AK8: variants seen among roughly 807,000 people sequenced by gnomAD.
AK8 encodes adenylate kinase 8.
AK8 carries 44 observed loss-of-function variants against 54.6 expected under a neutral mutation model. The ratio of observed to expected loss-of-function variants is 0.81; its 90% CI spans 0.63 to 1.04. AK8 has a LOEUF of 1.04. Ranked by LOEUF, AK8 falls within the 50% of genes least tolerant of loss-of-function variation. AK8 has a pLI of 0.00. For synonymous variants in AK8, 239 were observed against 245.6 expected (o/e 0.97, Z 0.25); for missense variants, 555 against 613.6 (o/e 0.90, Z 1.01).
chr9:132,847,841 C>T (rs1462219871), intron 5 of AK8, among the ~76,000 whole-genome samples: 2 of 151,810 alleles, frequency 1.3e-5, no homozygotes, highest in Non-Finnish European at 2.9e-5. Flanking sequence ...ATTAGCCGGG[C>T]ATGGTGGTGC....
chr9:132,769,412 G>A (rs577526313), intron 11 of AK8: 5 of 152,372 alleles, frequency 3.3e-5, no homozygotes, highest in African/African-American at 1.2e-4. Flanking sequence ...GCCTCTCCCA[G>A]AATGGAACCC....
intron 10 of AK8, among the ~76,000 whole-genome samples, chr9:132,809,222 A>G (rs573862248): frequency 3.3e-5 from 5 of 152,302 alleles, no homozygotes; most frequent in Admixed American, 1.3e-4. Context: ...GATGTCTCCA[A>G]TGACTCCCCA....
At chr9:132,807,198 G>A (rs893811365) in intron 10 of AK8, among the ~76,000 whole-genome samples, 18 of 152,096 alleles carry the variant, frequency 1.2e-4, no homozygotes, top group African/African-American at 4.1e-4. Context: ...TGGGGGGGGC[G>A]GGGCCACAGG....
At chr9:132,773,978 A>G (rs1307871311) in intron 11 of AK8, among the ~76,000 whole-genome samples, 4 of 151,924 alleles carry the variant, frequency 2.6e-5, no homozygotes, top group African/African-American at 9.7e-5. Context: ...TGTAGGGGGG[A>G]GACGGGAGTG....
chr9:132,878,310 CG>C (rs1300734075), upstream of AK8: 1 of 1,318,954 alleles, frequency 7.6e-7, no homozygotes, highest in African/African-American at 1.5e-5. The surrounding 1 kb of genome is among the most constrained non-coding windows in gnomAD (Gnocchi z 4.7). Flanking sequence ...GCCGCCGCGC[CG>C]ACTGCGTCAT....
intron 5 of AK8, among the ~76,000 whole-genome samples, chr9:132,845,476 GA>G (rs1362324399): frequency 2.6e-5 from 4 of 152,194 alleles, no homozygotes; most frequent in Non-Finnish European, 4.4e-5. Flanking sequence ...AGAATTCACA[GA>G]AGTTAAATGC....
intron 8 of AK8, among the ~76,000 whole-genome samples, chr9:132,823,977 T>C (rs1332644471): frequency 6.6e-6 from 1 of 152,212 alleles, no homozygotes; most frequent in Non-Finnish European, 1.5e-5. Context: ...TGGCCAGATG[T>C]AGCTGCATGG....
intron 11 of AK8, chr9:132,768,960 C>T (rs1211747329): frequency 1.3e-5 from 2 of 152,162 alleles, no homozygotes; most frequent in Non-Finnish European, 2.9e-5. Context: ...CACTGCAAGG[C>T]TTCCTTAATT....
intron 11 of AK8, among the ~76,000 whole-genome samples, chr9:132,784,931 G>T (rs989597416): frequency 6.6e-6 from 1 of 152,104 alleles, no homozygotes; most frequent in East Asian, 1.9e-4. Flanking sequence ...GTTAAAAACA[G>T]AATATAATTG....
intron 5 of AK8, 81 bp from the exon 6 acceptor site, chr9:132,828,807 T>C: frequency 8.8e-7 from 1 of 1,133,060 alleles, no homozygotes; most frequent in Non-Finnish European, 1.2e-6. Flanking sequence ...ATATAATAGC[T>C]TTATAGAAAG....
At chr9:132,805,098 C>G (rs148008071) in intron 10 of AK8, among the ~76,000 whole-genome samples, 1 of 152,172 alleles carries the variant, frequency 6.6e-6, no homozygotes, top group African/African-American at 2.4e-5. Context: ...GAAGAAGGCC[C>G]GGGGCCTCCA....
intron 11 of AK8, among the ~76,000 whole-genome samples, chr9:132,753,494 TG>T (rs1264390550): frequency 6.6e-6 from 1 of 152,220 alleles, no homozygotes; most frequent in Non-Finnish European, 1.5e-5. Flanking sequence ...TGGCTTTATT[TG>T]GGGTGGCTGG....
At chr9:132,844,651 G>A (rs1213229114) in intron 5 of AK8, among the ~76,000 whole-genome samples, 2 of 152,178 alleles carry the variant, frequency 1.3e-5, no homozygotes, top group Non-Finnish European at 2.9e-5. Context: ...CCCCTTAAAG[G>A]TTAGAAGAAA....
chr9:132,878,370 A>G, upstream of AK8: 1 of 1,245,874 alleles, frequency 8.0e-7, no homozygotes, highest in Non-Finnish European at 1.0e-6. This position sits in a 1 kb window ranked among gnomAD's most constrained non-coding sequence, Gnocchi z 4.7. Flanking sequence ...GGGCCCAGAT[A>G]CCCGATCCTC....
At chr9:132,866,448 C>T (rs920877925) in intron 3 of AK8, among the ~76,000 whole-genome samples, 2 of 152,152 alleles carry the variant, frequency 1.3e-5, no homozygotes, top group African/African-American at 4.8e-5. Context: ...GAGTTGGATA[C>T]GTGAATATCG....
chr9:132,878,493 G>T (rs1588256010), upstream of AK8: 15 of 1,207,342 alleles, frequency 1.2e-5, no homozygotes, highest in South Asian at 6.4e-4. The surrounding 1 kb of genome is among the most constrained non-coding windows in gnomAD (Gnocchi z 4.7). Flanking sequence ...CTTAGCGGGG[G>T]ACACCCTCAG....
intron 11 of AK8, among the ~76,000 whole-genome samples, chr9:132,736,710 G>A (rs900627238): frequency 6.6e-6 from 1 of 151,034 alleles, no homozygotes; most frequent in East Asian, 2.0e-4. Context: ...GCGTGAACCC[G>A]GGAGGCGAAG....
intron 11 of AK8, 97 bp downstream of exon 11, chr9:132,792,537 G>C (rs1409803562): frequency 1.4e-6 from 2 of 1,432,190 alleles, no homozygotes; most frequent in Non-Finnish European, 1.9e-6. Flanking sequence ...TCAGGAACAC[G>C]TGAAGGCTTG....
At chr9:132,851,912 C>T (rs560482172) in intron 5 of AK8, among the ~76,000 whole-genome samples, 1 of 152,318 alleles carries the variant, frequency 6.6e-6, no homozygotes, top group East Asian at 1.9e-4. Context: ...AACATCTCTA[C>T]TCACATGAGA....
Sources: gnomAD v4.1 joint callset for allele counts (sites outside exome capture counted in the v4.1 genomes callset) on GRCh38, gnomAD v4.1.1 for gene constraint, Gnocchi (gnomAD v3.1) non-coding constraint, MANE v1.5 for transcripts, NCBI Gene and HGNC (gene_info 2026-07-23, HGNC 2026-07-21) for gene names.